The following NSUN2 variants were observed in gnomAD, a reference collection of about 807,000 sequenced individuals.
NSUN2 encodes the protein RNA cytosine C(5)-methyltransferase NSUN2.
In NSUN2, 63 loss-of-function variants were observed where a neutral mutation model predicts 92.7. The observed-to-expected ratio is 0.68, with a 90% confidence interval of 0.56 to 0.84. The LOEUF is 0.84. Ranked by LOEUF, NSUN2 falls within the 40% of genes least tolerant of loss-of-function variation. The pLI is 0.00. For missense variants in NSUN2, 989 were observed against 964.9 expected (o/e 1.02, Z -0.33); for synonymous variants, 356 against 348.3 (o/e 1.02, Z -0.25).
chr5:6,607,064 TCA>T, intron 13 of NSUN2, 134 bp downstream of exon 13: 1 of 1,014,108 alleles, frequency 9.9e-7, no homozygotes, highest in Non-Finnish European at 1.5e-6. Context: ...AGTCCAGCCC[TCA>T]CACTGCATGT....
intron 5 of NSUN2, among the ~76,000 whole-genome samples, chr5:6,622,870 A>G (rs1579375474): frequency 6.6e-6 from 1 of 151,530 alleles, no homozygotes; most frequent in East Asian, 1.9e-4. Flanking sequence ...AAGAAAAGAA[A>G]AAAGAGCACA....
intron 8 of NSUN2, among the ~76,000 whole-genome samples, chr5:6,617,518 T>G (rs1252340638): frequency 1.3e-5 from 2 of 152,204 alleles, no homozygotes; most frequent in Non-Finnish European, 2.9e-5. Context: ...GATTTCTCTT[T>G]AAGAATTTTC....
rs761257580 is a variant in NSUN2 at position 6,605,326 on chromosome 5, T to G, written c.1684A>C (p.Met562Leu). Residue 562 changes from methionine (M) to leucine (L), a missense_variant, in exon 15 of 19, where the codon ATG becomes CTG. Met to Leu is a conservative substitution (Grantham distance 15). Transcript: ENST00000264670. ...TTEGKKRQLY[M>L]VSKELRNVLL... ...ACATTCCGCAACTCCTTAGAAACCA[T>G]GTAGAGCTGCCTTTTCTTCCCTTCT... The G allele has an allele frequency of 1.9e-6, 3 of 1,614,202 alleles. No homozygotes were observed. The highest frequency in any genetic ancestry group is 2.2e-5 in the South Asian group (2 of 91,082).
chr5:6,629,373 T>C (rs554344057), intron 3 of NSUN2, among the ~76,000 whole-genome samples: 2 of 152,354 alleles, frequency 1.3e-5, no homozygotes, highest in Admixed American at 6.5e-5. Context: ...GCAAGCCTTA[T>C]TGACATCGTA....
chr5:6,621,825 AGT>A (rs1190452378), intron 6 of NSUN2, 189 bp downstream of exon 6: 2 of 551,440 alleles, frequency 3.6e-6, no homozygotes, highest in African/African-American at 3.8e-5. Context: ...CCATGGTATG[AGT>A]GTGTTTGTTT....
At chr5:6,616,042 G>A (rs1376636531) in intron 9 of NSUN2, among the ~76,000 whole-genome samples, 1 of 152,118 alleles carries the variant, frequency 6.6e-6, no homozygotes, top group Non-Finnish European at 1.5e-5. Flanking sequence ...GTGCACTGGG[G>A]GTAGAAATAC....
chr5:6,605,030 A>AC (rs1044541406), intron 15 of NSUN2: 18 of 604,952 alleles, frequency 3.0e-5, no homozygotes, highest in East Asian at 1.1e-4. Context: ...ACCATGGCTC[A>AC]CCCCCCTGCG....
chr5:6,620,820 A>C (rs1333918896), intron 6 of NSUN2: 1 of 152,346 alleles, frequency 6.6e-6, no homozygotes, highest in Non-Finnish European at 1.5e-5. Flanking sequence ...ACCCCCAGCA[A>C]AAAGGCAAAT....
intron 4 of NSUN2, among the ~76,000 whole-genome samples, chr5:6,624,992 G>A (rs969309823): frequency 1.3e-5 from 2 of 152,026 alleles, no homozygotes; most frequent in African/African-American, 4.8e-5. Context: ...AGGAATGTGG[G>A]TGGCTACGGA....
chr5:6,621,877 C>G (rs1431040304), intron 6 of NSUN2, 139 bp downstream of exon 6: 1 of 663,716 alleles, frequency 1.5e-6, no homozygotes, highest in Non-Finnish European at 2.7e-6. Flanking sequence ...TCCAGTTCTA[C>G]TTCCGGTAGA....
chr5:6,614,124 C>CCCCCACCT lies in NSUN2; in HGVS notation c.1022-2327_1022-2326insAGGTGGGG, dbSNP rs543325766. ...AAAAAAAAAAAAAAAAAAAAAAAAC[C>CCCCCACCT]CACAACACACACATATAGACAGACA... On this transcript the variant is annotated intron_variant, in intron 9 of 18. Coordinates refer to ENST00000264670, the MANE Select transcript of NSUN2 (RefSeq NM_017755.6). 2.2e-4 allele frequency among the ~76,000 whole-genome samples: 16 copies of CCCCCACCT among 73,076 alleles called. 1 individual carries two copies. Among genetic ancestry groups the CCCCCACCT allele is most frequent in the East Asian group, 4.2e-4 (1 of 2,408 alleles). The allele number at this position is 73,076 out of a possible 152,430, so 47.9% of individuals were successfully genotyped here.
At chr5:6,608,467 C>A (rs1159250907) in intron 12 of NSUN2, among the ~76,000 whole-genome samples, 1 of 152,202 alleles carries the variant, frequency 6.6e-6, no homozygotes, top group Non-Finnish European at 1.5e-5. Flanking sequence ...CCCAGTAGGA[C>A]CAACAGCAGC....
rs914321605 is a variant in NSUN2, at chr5:6,614,106, A to G, written c.1022-2308T>C. ...GCGAGACTGTCTCGGAAAAAAAAAA[A>G]AAAAAAAAAAAAAAAACCCACAACA... On this transcript the variant is annotated intron_variant, in intron 9 of 18. Transcript: ENST00000264670. Among the ~76,000 whole-genome samples, 5 of 79,262 alleles carry G rather than the reference A, an allele frequency of 6.3e-5. 1 individual carries two copies. The highest frequency in any genetic ancestry group is 1.1e-4 in the Admixed American group (1 of 8,750). 52.0% of individuals were successfully genotyped at this position (79,262 alleles called of 152,430 possible). A position where few individuals can be genotyped will look rare whatever the true frequency, so the allele number is the denominator to read the frequency against.
intron 12 of NSUN2, 126 bp from the exon 13 acceptor site, chr5:6,607,510 A>C (rs1328790843): frequency 1.5e-5 from 12 of 791,466 alleles, no homozygotes; most frequent in Non-Finnish European, 2.4e-5. Flanking sequence ...TATGTAGAGA[A>C]AGACAACAGA....
At chr5:6,604,577 T>C (rs777574110) in intron 16 of NSUN2, 28 bp downstream of exon 16, 2 of 1,596,396 alleles carry the variant, frequency 1.3e-6, no homozygotes, top group South Asian at 2.2e-5. Context: ...CTGTGGCTAC[T>C]GCTGTTCAAA....
chr5:6,623,201 T>C lies in NSUN2; in HGVS notation c.537+13A>G, dbSNP rs1250310143. On this transcript the variant is annotated intron_variant, in intron 5 of 18. Transcript: ENST00000264670. ...AGCTGCCCGCCCCCACGTTTCTAGT[T>C]GCTATATGCTACCTTATGATGAGGC... The C allele has an allele frequency of 2.5e-6, 4 of 1,582,706 alleles. No homozygotes were observed. The highest frequency in any genetic ancestry group is 1.2e-5 in the South Asian group (1 of 83,756).
At chr5:6,624,216 G>T (rs1192290497) in intron 4 of NSUN2, among the ~76,000 whole-genome samples, 1 of 152,208 alleles carries the variant, frequency 6.6e-6, no homozygotes, top group Non-Finnish European at 1.5e-5. Context: ...GTGTGATCCT[G>T]ATATGCCTGC....
At chr5:6,622,217 A>G (rs902985665) in intron 5 of NSUN2, 117 bp from the exon 6 acceptor site, 1 of 754,502 alleles carries the variant, frequency 1.3e-6, no homozygotes. Flanking sequence ...ACTTCTTTAC[A>G]GAGTCTATAG....
chr5:6,625,748 C>T (rs1253331889), intron 3 of NSUN2, 79 bp from the exon 4 acceptor site: 11 of 961,754 alleles, frequency 1.1e-5, no homozygotes, highest in African/African-American at 6.5e-5. Flanking sequence ...TTCTATCAGT[C>T]GCATGCCAAA....
Sources: allele counts gnomAD v4.1 joint callset (sites outside exome capture counted in the v4.1 genomes callset), GRCh38; gene constraint gnomAD v4.1.1; transcripts MANE v1.5; gene names NCBI Gene and HGNC (gene_info 2026-07-23, HGNC 2026-07-21).